Variants in SLC25A16 observed in about 807,000 individuals in gnomAD.
The protein encoded by SLC25A16 is solute carrier family 25 member 16, also known as mitochondrial coenzyme A transporter SLC25A16.
A neutral mutation model predicts 41.5 loss-of-function variants in SLC25A16; 39 were observed. That is an observed-to-expected ratio of 0.94 (90% CI 0.73 to 1.23). The LOEUF is 1.23. SLC25A16 is among the 50% of genes most tolerant of loss of function. SLC25A16 has a pLI of 0.00. For synonymous variants in SLC25A16, 146 were observed against 147.8 expected (o/e 0.99, Z 0.09); for missense variants, 421 against 426.9 (o/e 0.99, Z 0.12).
At chr10:68,487,910 GT>G (rs943082335) in intron 7 of SLC25A16, among the ~76,000 whole-genome samples, 1 of 151,974 alleles carries the variant, frequency 6.6e-6, no homozygotes, top group Non-Finnish European at 1.5e-5. Context: ...CTGGAGTGCA[GT>G]GACGCAATCT....
At chr10:68,524,891 A>T (rs1231714558) in intron 1 of SLC25A16, among the ~76,000 whole-genome samples, 1 of 151,252 alleles carries the variant, frequency 6.6e-6, no homozygotes, top group Admixed American at 6.6e-5. Context: ...AAGAAAAAGA[A>T]AAAAAATTAG....
At position 68,488,582 on chromosome 10, in the gene SLC25A16, G is replaced by A. The variant is rs2133495874; in HGVS notation, c.658C>T (p.His220Tyr). Residue 220 changes from histidine to tyrosine, a missense_variant, in exon 7 of 9, where the codon CAT (histidine) becomes TAT (tyrosine). His to Tyr is a moderately conservative substitution (Grantham distance 83). Transcript: ENST00000609923. ...GGTCTGCCAAGAAGGGTAGGAGCATGGGAAAGCCCAACACTCTTCAAGGTA... is the reference window on the plus strand; with the variant it reads ...GGTCTGCCAAGAAGGGTAGGAGCATAGGAAAGCCCAACACTCTTCAAGGTA... ...FGTLKSVGLS[H>Y]APTLLGRPSS... The A allele has an allele frequency of 6.2e-7, 1 of 1,611,692 alleles. No individual in the cohort carries two copies.
At chr10:68,518,958 C>G (rs1042167794) in intron 1 of SLC25A16, among the ~76,000 whole-genome samples, 73 of 151,784 alleles carry the variant, frequency 4.8e-4, no homozygotes, top group African/African-American at 1.7e-3. Flanking sequence ...TTTGGGAGGC[C>G]GAGGTGGGCG....
intron 6 of SLC25A16, among the ~76,000 whole-genome samples, chr10:68,489,506 G>A (rs2052621621): frequency 6.6e-6 from 1 of 152,114 alleles, no homozygotes; most frequent in Admixed American, 6.6e-5. Flanking sequence ...CATTAAGGTT[G>A]TTTATTAATA....
At chr10:68,506,507 A>T in intron 3 of SLC25A16, 78 bp downstream of exon 3, 1 of 949,702 alleles carries the variant, frequency 1.1e-6, no homozygotes, top group Non-Finnish European at 1.5e-6. Flanking sequence ...ACATATTTTT[A>T]AATGTCCAAA....
At chr10:68,488,681 G>T in intron 6 of SLC25A16, 52 bp from the exon 7 acceptor site, 1 of 1,376,846 alleles carries the variant, frequency 7.3e-7, no homozygotes, top group Non-Finnish European at 1.0e-6. Flanking sequence ...CATGAGCTGT[G>T]AAAAAGACAC....
At position 68,483,331 on chromosome 10, in the gene SLC25A16, G is replaced by T; in HGVS notation, c.*101C>A. 1 of 745,192 alleles carries T rather than the reference G, an allele frequency of 1.3e-6. No individual in the cohort carries two copies. Among genetic ancestry groups the T allele is most frequent in the African/African-American group, 1.8e-5 (1 of 56,768 alleles). The allele number at this position is 745,192 out of a possible 1,614,324, so 46.2% of individuals were successfully genotyped here. A position where few individuals can be genotyped will look rare whatever the true frequency, so the allele number is the denominator to read the frequency against. ...TAAAATACCAGTGGCTCTTGTGACA[G>T]GGTAAATATCCCCATTCAAGTAATG... On this transcript the variant is annotated 3_prime_UTR_variant, in exon 9 of 9. Coordinates refer to ENST00000609923, the MANE Select transcript of SLC25A16 (RefSeq NM_152707.4).
At chr10:68,520,932 G>A (rs1018514899) in intron 1 of SLC25A16, among the ~76,000 whole-genome samples, 1 of 151,262 alleles carries the variant, frequency 6.6e-6, no homozygotes, top group Non-Finnish European at 1.5e-5. Context: ...TCAGGAGATC[G>A]AGACCATCCT....
intron 8 of SLC25A16, among the ~76,000 whole-genome samples, chr10:68,485,528 C>T (rs1173413641): frequency 2.0e-5 from 3 of 151,458 alleles, no homozygotes; most frequent in Non-Finnish European, 2.9e-5. Flanking sequence ...GTATGACAGG[C>T]ACCTGCCACC....
rs913982987 is a variant in SLC25A16, at chr10:68,479,334, G to A, written c.*4098C>T. ...GGGGACACTGATAAACAGGCAGTTA[G>A]CAGAAAGTGTGGCACATACTCTATT... is the stretch of plus-strand genomic sequence containing the variant. On this transcript the variant is annotated 3_prime_UTR_variant, in exon 9 of 9. Transcript: ENST00000609923. 4 of 152,124 alleles carry A rather than the reference G, an allele frequency of 2.6e-5. No individual in the cohort carries two copies. The highest frequency in any genetic ancestry group is 9.7e-5 in the African/African-American group (4 of 41,414). The allele number at this position is 152,124 out of a possible 1,614,324, so 9.4% of individuals were successfully genotyped here.
rs772848079 is a variant in SLC25A16 at position 68,506,693 on chromosome 10, A to C, written c.249T>G (p.Val83=). The part of the protein sequence containing the change: ...HLGVFSALRA[V]PQKEGFLGLY... ...ATCCAAGGAATCCTTCTTTTTGAGGAACAGCACGCAATGCAGAAAATACTC... is the reference window on the plus strand; with the variant it reads ...ATCCAAGGAATCCTTCTTTTTGAGGCACAGCACGCAATGCAGAAAATACTC... The change falls in exon 3 of 9, where the codon GTT becomes GTG. Residue 83 remains valine (V), a synonymous_variant. Coordinates refer to ENST00000609923, the MANE Select transcript of SLC25A16 (RefSeq NM_152707.4). 1 of 1,590,064 alleles carries C rather than the reference A, an allele frequency of 6.3e-7. No individual in the cohort carries two copies. The highest frequency in any genetic ancestry group is 8.6e-7 in the Non-Finnish European group (1 of 1,168,580).
At chr10:68,486,078 C>T (rs367912704) in intron 8 of SLC25A16, among the ~76,000 whole-genome samples, 5 of 150,486 alleles carry the variant, frequency 3.3e-5, no homozygotes, top group Admixed American at 6.6e-5. Flanking sequence ...ATTAGCCAGG[C>T]GTGGTGGCAG....
intron 7 of SLC25A16, among the ~76,000 whole-genome samples, chr10:68,488,170 G>C (rs1445009401): frequency 6.6e-6 from 1 of 151,782 alleles, no homozygotes; most frequent in Admixed American, 6.6e-5. Flanking sequence ...TTTCTTAGGG[G>C]CAAGGTCTCA....
Position 68,479,589 on chromosome 10 carries a change from G to A in SLC25A16, c.*3843C>T, listed in dbSNP as rs147065106. 1 of 152,228 alleles carries A rather than the reference G, an allele frequency of 6.6e-6. No homozygotes were observed. Among genetic ancestry groups the A allele is most frequent in the Non-Finnish European group, 1.5e-5 (1 of 68,148 alleles). The allele number at this position is 152,228 out of a possible 1,614,324, so 9.4% of individuals were successfully genotyped here. A position where few individuals can be genotyped will look rare whatever the true frequency, so the allele number is the denominator to read the frequency against. On this transcript the variant is annotated 3_prime_UTR_variant, in exon 9 of 9. Transcript: ENST00000609923. ...GGGAAGTCGGGGGGGCAGATCACTT[G>A]AGGTCAGGTATTCAAGACCAGCCTG...
intron 8 of SLC25A16, among the ~76,000 whole-genome samples, chr10:68,486,600 C>T (rs1216374708): frequency 6.6e-6 from 1 of 151,684 alleles, no homozygotes; most frequent in Non-Finnish European, 1.5e-5. Flanking sequence ...TCTCAAACTC[C>T]TGACCTCAGG....
At position 68,506,588 on chromosome 10, in the gene SLC25A16, T is replaced by G; in HGVS notation, c.354A>C (p.Lys118Asn). The change falls in exon 3 of 9, where the codon AAA (lysine) becomes AAC (asparagine). Residue 118 changes from lysine (K) to asparagine (N), a missense_variant. Physicochemically the swap from Lys to Asn is moderately conservative, Grantham distance 94. Coordinates refer to ENST00000609923, the MANE Select transcript of SLC25A16 (RefSeq NM_152707.4). ...GAAAAGATCAAAGTTTAACTACCGT[T>G]TTATAATGCTCAAATGCCATAAACT... The part of the protein sequence containing the change: ...AIQFMAFEHY[K>N]TLITTKLGIS... The G allele has an allele frequency of 1.3e-6, 2 of 1,576,492 alleles. 1 individual carries two copies. The highest frequency in any genetic ancestry group is 1.7e-6 in the Non-Finnish European group (2 of 1,164,602).
chr10:68,489,642 C>T (rs755068020), intron 6 of SLC25A16, among the ~76,000 whole-genome samples: 3 of 152,102 alleles, frequency 2.0e-5, no homozygotes, highest in Non-Finnish European at 4.4e-5. Flanking sequence ...GTGGCTTATG[C>T]CTGTAATCCC....
At chr10:68,518,806 T>C (rs2053203501) in intron 1 of SLC25A16, among the ~76,000 whole-genome samples, 1 of 103,960 alleles carries the variant, frequency 9.6e-6, no homozygotes, top group Non-Finnish European at 2.1e-5. Flanking sequence ...AATAAATAAA[T>C]AAATTAAATA....
intron 4 of SLC25A16, among the ~76,000 whole-genome samples, chr10:68,502,685 T>C (rs1564918589): frequency 7.2e-6 from 1 of 139,302 alleles, no homozygotes; most frequent in Non-Finnish European, 1.5e-5. Context: ...TGAGTTGTGA[T>C]CACGCCACTG....
Sources: allele counts gnomAD v4.1 joint callset (sites outside exome capture counted in the v4.1 genomes callset), GRCh38; gene constraint gnomAD v4.1.1; transcripts MANE v1.5; gene names NCBI Gene and HGNC (gene_info 2026-07-23, HGNC 2026-07-21).